The following RCSD1 variants were observed in gnomAD, a reference collection of about 807,000 sequenced individuals.
The protein encoded by RCSD1 is capZ-interacting protein.
A neutral mutation model predicts 42.5 loss-of-function variants in RCSD1; 26 were observed. The observed-to-expected ratio is 0.61, with a 90% CI of 0.45 to 0.85. RCSD1 has a LOEUF of 0.85. Ranked by LOEUF, RCSD1 falls within the 40% of genes least tolerant of loss-of-function variation. The pLI is 0.00. For synonymous variants in RCSD1, 220 were observed against 212.2 expected (o/e 1.04, Z -0.32); for missense variants, 571 against 528.3 (o/e 1.08, Z -0.79).
chr1:167,699,727 C>A (rs979877602), intron 6 of RCSD1, among the ~76,000 whole-genome samples: 1 of 152,238 alleles, frequency 6.6e-6, no homozygotes, highest in Non-Finnish European at 1.5e-5. Context: ...GACTCTCCCC[C>A]TCACTGTGAT....
chr1:167,680,755 G>A (rs1405218832), intron 1 of RCSD1, among the ~76,000 whole-genome samples: 4 of 152,188 alleles, frequency 2.6e-5, no homozygotes, highest in Non-Finnish European at 4.4e-5. Flanking sequence ...TTCCAGGCTT[G>A]AGCTACTGTG....
At chr1:167,681,950 C>T (rs1042780759) in intron 1 of RCSD1, among the ~76,000 whole-genome samples, 2 of 152,176 alleles carry the variant, frequency 1.3e-5, no homozygotes, top group Admixed American at 1.3e-4. Flanking sequence ...TCGCACTCCT[C>T]GGCTTTCCCC....
At chr1:167,646,996 G>A (rs1658165669) in intron 1 of RCSD1, among the ~76,000 whole-genome samples, 1 of 152,128 alleles carries the variant, frequency 6.6e-6, no homozygotes, top group African/African-American at 2.4e-5. Context: ...CTGGCATGGT[G>A]GTGCATGCCT....
intron 1 of RCSD1, among the ~76,000 whole-genome samples, chr1:167,639,957 C>A (rs1434047247): frequency 2.0e-5 from 3 of 152,352 alleles, no homozygotes; most frequent in Admixed American, 1.3e-4. Flanking sequence ...TCCAGTCATG[C>A]CTGAATCCCC....
chr1:167,646,562 C>T (rs991088389), intron 1 of RCSD1, among the ~76,000 whole-genome samples: 2 of 150,516 alleles, frequency 1.3e-5, no homozygotes, highest in Non-Finnish European at 2.9e-5. Context: ...GGGATACATG[C>T]GTGCAGGTTT....
intron 3 of RCSD1, 79 bp from the exon 4 acceptor site, chr1:167,689,970 C>T (rs937906240): frequency 2.6e-5 from 35 of 1,352,574 alleles, no homozygotes; most frequent in Non-Finnish European, 3.6e-5. Flanking sequence ...CTCCTTCTGC[C>T]TGTGGCTTTT....
At chr1:167,642,252 G>A (rs111586761) in intron 1 of RCSD1, among the ~76,000 whole-genome samples, 47 of 152,276 alleles carry the variant, frequency 3.1e-4, no homozygotes, top group Non-Finnish European at 5.0e-4. Flanking sequence ...CAAAGCAGAC[G>A]ATCTTTGAGC....
Position 167,698,723 on chromosome 1 carries a change from C to T in RCSD1, c.1218+881C>T, listed in dbSNP as rs189496895. 9.2e-5 allele frequency among the ~76,000 whole-genome samples: 14 copies of T among 152,270 alleles called. No homozygotes were observed. In the East Asian group the frequency reaches 1.2e-3, roughly 13 times the overall value. On this transcript the variant is annotated intron_variant, in intron 6 of 6. Transcript: ENST00000367854. ...TTGTTAGTGCATTCATTCATTCATG[C>T]GTTCATTTACTCACACCACTATCAG...
intron 5 of RCSD1, 97 bp from the exon 6 acceptor site, chr1:167,697,002 A>G: frequency 8.8e-7 from 1 of 1,130,962 alleles, no homozygotes; most frequent in African/African-American, 1.6e-5. Context: ...TGGACTTGTG[A>G]AGCAGTGCAC....
At chr1:167,704,049 AG>A (rs1659702253) in intron 6 of RCSD1, among the ~76,000 whole-genome samples, 1 of 152,198 alleles carries the variant, frequency 6.6e-6, no homozygotes, top group Non-Finnish European at 1.5e-5. Flanking sequence ...TCTCAGCAAA[AG>A]AACTGATGGG....
chr1:167,675,951 G>T (rs1401461359), intron 1 of RCSD1, among the ~76,000 whole-genome samples: 3 of 152,080 alleles, frequency 2.0e-5, no homozygotes, highest in Admixed American at 6.6e-5. Context: ...TAGGATGCAA[G>T]CCTAGGCATC....
intron 1 of RCSD1, among the ~76,000 whole-genome samples, chr1:167,657,130 G>A (rs139186888): frequency 9.2e-4 from 140 of 152,364 alleles, no homozygotes; most frequent in Admixed American, 1.6e-3. Flanking sequence ...CAGTGTCCAT[G>A]ATGTGCCTTG....
At chr1:167,638,672 C>A (rs1289422295) in intron 1 of RCSD1, among the ~76,000 whole-genome samples, 1 of 152,316 alleles carries the variant, frequency 6.6e-6, no homozygotes, top group East Asian at 1.9e-4. Flanking sequence ...AGGTTTACTC[C>A]GAGCCCTCCT....
chr1:167,672,069 A>T (rs1289237048), intron 1 of RCSD1, among the ~76,000 whole-genome samples: 2 of 149,234 alleles, frequency 1.3e-5, no homozygotes, highest in African/African-American at 5.0e-5. Flanking sequence ...CTCAATGTCA[A>T]CTCCTCCTCC....
chr1:167,690,198 C>A, intron 4 of RCSD1, 78 bp downstream of exon 4: 3 of 1,359,536 alleles, frequency 2.2e-6, no homozygotes, highest in Non-Finnish European at 3.1e-6. Flanking sequence ...GACTTTGAGG[C>A]TCATAGGGGT....
chr1:167,704,675 T>C lies in RCSD1; in HGVS notation c.1230T>C (p.Pro410=). 6.2e-7 allele frequency: 1 copy of C among 1,613,060 alleles called. No individual in the cohort carries two copies. Among genetic ancestry groups the C allele is most frequent in the Non-Finnish European group, 8.5e-7 (1 of 1,179,196 alleles). Reference sequence around the variant, plus strand: ...TCCCCTGTTCACAGGATGACACTCCTGTCCAGGACACTAAAATGTGAAGAA... The same window carrying C: ...TCCCCTGTTCACAGGATGACACTCCCGTCCAGGACACTAAAATGTGAAGAA... ...PAVPKPEDDT[P]VQDTKM is the part of the protein sequence containing the mutation. Residue 410 remains proline (P), a synonymous_variant, in exon 7 of 7, where the codon CCT becomes CCC. Transcript: ENST00000367854.
At position 167,670,634 on chromosome 1, in the gene RCSD1, C is replaced by T. The variant is rs534205074; in HGVS notation, c.7-13266C>T. 5.3e-5 allele frequency among the ~76,000 whole-genome samples: 8 copies of T among 152,298 alleles called. No individual in the cohort carries two copies. The South Asian group carries it at 1.7e-3, about 32-fold the overall frequency. On this transcript the variant is annotated intron_variant, in intron 1 of 6. Coordinates refer to ENST00000367854, the MANE Select transcript of RCSD1 (RefSeq NM_052862.4). The stretch of plus-strand genomic sequence containing the variant: ...ATTCACCCTCAGGTTTGTCTGACTC[C>T]ACAAATCCCAAGCAGGTGCTTCAGG...
chr1:167,689,288 C>A (rs1659314304), intron 3 of RCSD1, among the ~76,000 whole-genome samples: 1 of 152,046 alleles, frequency 6.6e-6, no homozygotes, highest in South Asian at 2.1e-4. Flanking sequence ...TCGAGACCAA[C>A]CTGGCCAACA....
intron 1 of RCSD1, among the ~76,000 whole-genome samples, chr1:167,655,780 A>T (rs911675069): frequency 2.0e-5 from 3 of 152,190 alleles, no homozygotes; most frequent in Admixed American, 2.0e-4. Flanking sequence ...TCTCATACAT[A>T]AGACAACTCT....
Sources: gnomAD v4.1 joint callset for allele counts (sites outside exome capture counted in the v4.1 genomes callset) on GRCh38, gnomAD v4.1.1 for gene constraint, MANE v1.5 for transcripts, NCBI Gene and HGNC (gene_info 2026-07-23, HGNC 2026-07-21) for gene names.